IRAG2: variants seen among roughly 807,000 people sequenced by gnomAD.
IRAG2 encodes the protein inositol 1,4,5-triphosphate receptor associated 2, also known as lymphoid restricted membrane protein.
A neutral mutation model predicts 69.9 loss-of-function variants in IRAG2; 45 were observed. That is an observed-to-expected ratio of 0.64 (90% confidence interval 0.51 to 0.83). The LOEUF (loss-of-function observed/expected upper bound fraction) is 0.83. IRAG2 is among the 40% of genes least tolerant of loss of function. The pLI, the probability that IRAG2 is intolerant of heterozygous loss-of-function variation, is 0.00. For synonymous variants in IRAG2, 193 were observed against 202.4 expected, an observed-to-expected ratio of 0.95 and a Z score of 0.40; for missense variants, 520 against 587.0, an observed-to-expected ratio of 0.89 and a Z score of 1.18.
Position 25,012,143 on chromosome 12 carries a change from C to CTTTTTTTTTTTTTTTTTTTTTTTTTTTTT in IRAG2, c.896+592_896+593insTTTTTTTTTTTTTTTTTTTTTTTTTTTTT, listed in dbSNP as rs1944480147. Reference sequence around the variant, plus strand: ...GTCTTCTTCCACAGAAAGCGAATTCCCTTTTTTTTTTTTTTTTTTTTTTTT... The same window carrying CTTTTTTTTTTTTTTTTTTTTTTTTTTTTT: ...GTCTTCTTCCACAGAAAGCGAATTCCTTTTTTTTTTTTTTTTTTTTTTTTTTTTTCTTTTTTTTTTTTTTTTTTTTTTTT... On this transcript the variant is annotated intron_variant, in intron 3 of 38. Coordinates refer to the IRAG2 transcript ENST00000636465. 8.3e-5 allele frequency among the ~76,000 whole-genome samples: 2 copies of CTTTTTTTTTTTTTTTTTTTTTTTTTTTTT among 24,096 alleles called. 1 individual carries two copies. 15.8% of individuals were successfully genotyped at this position (24,096 alleles called of 152,430 possible). A position where few individuals can be genotyped will look rare whatever the true frequency, so the allele number is the denominator to read the frequency against.
chr12:25,086,025 T>C (rs977919163), intron 10 of IRAG2, among the ~76,000 whole-genome samples: 2 of 152,072 alleles, frequency 1.3e-5, no homozygotes, highest in Non-Finnish European at 2.9e-5. Flanking sequence ...AGAAGAAAAC[T>C]CAAGTCCTTT....
chr12:25,099,487 T>A (rs113620521), intron 15 of IRAG2, among the ~76,000 whole-genome samples: 35 of 152,302 alleles, frequency 2.3e-4, no homozygotes, highest in African/African-American at 7.9e-4. Context: ...ACTGTTACCA[T>A]CTTGATCTAA....
intron 20 of IRAG2, among the ~76,000 whole-genome samples, chr12:25,105,984 A>G (rs859149): frequency 1 from 152,043 of 152,310 alleles, 75,891 homozygotes; most frequent in Middle Eastern, 1. Flanking sequence ...CTTAGGTGGA[A>G]GAACACCTCT....
intron 8 of IRAG2, chr12:25,023,977 G>A: frequency 2.1e-6 from 2 of 971,962 alleles, no homozygotes; most frequent in Non-Finnish European, 1.3e-6. Context: ...ATATCATCGT[G>A]GTTTATGGCT....
In IRAG2 at chr12:25,026,441, G is replaced by C. The variant is rs117623390; in HGVS notation, c.1384-348G>C. On this transcript the variant is annotated intron_variant, in intron 8 of 38. Coordinates refer to the IRAG2 transcript ENST00000636465. ...GGGAAGAACTGAAGCTAAATAAAGA[G>C]GGGTCTGAGTTCATGGGAAGGTTGA... Among the ~76,000 whole-genome samples the C allele has an allele frequency of 7.4e-3, 1,131 of 152,266 alleles. 10 individuals are homozygous for C. The highest frequency in any genetic ancestry group is 0.013 in the Non-Finnish European group (883 of 68,020).
rs1209333279 is a variant in IRAG2 at position 25,011,323 on chromosome 12, T to TA, written c.689-20dup. 2.2e-5 allele frequency: 27 copies of TA among 1,226,826 alleles called. No homozygotes were observed. In the African/African-American group the frequency reaches 3.7e-4, roughly 17 times the overall value. 76.0% of individuals were successfully genotyped at this position (1,226,826 alleles called of 1,614,324 possible). On this transcript the variant is annotated intron_variant, in intron 2 of 38. Transcript: ENST00000636465. ...AGATAGGTGCTTCACTTGTGAAAAA[T>TA]ATAACTTTTCTGTCTTTCAGAACTG...
At position 25,079,437 on chromosome 12, in the gene IRAG2, G is replaced by T; in HGVS notation, c.111G>T (p.Ser37=). The change falls in exon 8 of 22, where the codon TCG becomes TCT. Residue 37 remains serine (S), a synonymous_variant. Transcript: ENST00000556887. ...SSLPLPRHTS[S]TDGTITSSDP... is the part of the protein sequence containing the mutation. Reference sequence around the variant, plus strand: ...TACCATTACCCAGACACACTTCATCGACAGACGGTACTATAACTTCAAGTG... The same window carrying T: ...TACCATTACCCAGACACACTTCATCTACAGACGGTACTATAACTTCAAGTG... 1 of 1,613,428 alleles carries T rather than the reference G, an allele frequency of 6.2e-7. No individual in the cohort carries two copies. The highest frequency in any genetic ancestry group is 8.5e-7 in the Non-Finnish European group (1 of 1,179,422).
chr12:25,006,695 G>A (rs190747243), intron 2 of IRAG2, among the ~76,000 whole-genome samples: 6 of 152,242 alleles, frequency 3.9e-5, no homozygotes, highest in Admixed American at 2.0e-4. Context: ...AAACAAAGAT[G>A]GGAACAATAG....
At chr12:25,010,543 T>A (rs924909420) in intron 2 of IRAG2, among the ~76,000 whole-genome samples, 1 of 152,214 alleles carries the variant, frequency 6.6e-6, no homozygotes, top group African/African-American at 2.4e-5. Context: ...TCTAATAGTG[T>A]CACATCTAAA....
At chr12:25,065,199 GA>G (rs1358889853) in intron 4 of IRAG2, among the ~76,000 whole-genome samples, 3 of 152,150 alleles carry the variant, frequency 2.0e-5, no homozygotes, top group Non-Finnish European at 2.9e-5. Context: ...CTGTGAGGTA[GA>G]TGTTAATATA....
upstream of IRAG2, among the ~76,000 whole-genome samples, chr12:25,049,715 G>A (rs140817264): frequency 0.015 from 2,320 of 152,106 alleles, 35 homozygotes; most frequent in Non-Finnish European, 0.022. Context: ...GGCCGGATGC[G>A]GTGGCTCACG....
At chr12:25,089,553 C>A in intron 11 of IRAG2, 61 bp from the exon 12 acceptor site, 3 of 966,412 alleles carry the variant, frequency 3.1e-6, no homozygotes, top group South Asian at 3.1e-5. Flanking sequence ...AACATTAGAT[C>A]AAATGTGCTT....
At chr12:25,053,627 C>G (rs998463065) in intron 1 of IRAG2, among the ~76,000 whole-genome samples, 1 of 152,094 alleles carries the variant, frequency 6.6e-6, no homozygotes. Context: ...TTGTTTCATT[C>G]TAGAAACCTA....
At chr12:25,018,193 CTTTTTTTTTTT>C (rs56659655) in intron 6 of IRAG2, among the ~76,000 whole-genome samples, 3 of 105,522 alleles carry the variant, frequency 2.8e-5, no homozygotes, top group Admixed American at 1.2e-4. Context: ...TTTCTTTCTT[CTTTTTTTTTTT>C]TTTTTTTTTG....
At chr12:25,081,412 T>C (rs969715651) in intron 9 of IRAG2, among the ~76,000 whole-genome samples, 6 of 152,184 alleles carry the variant, frequency 3.9e-5, no homozygotes, top group Admixed American at 2.6e-4. Context: ...TGCAGTGAGC[T>C]GAGATTGCAC....
intron 1 of IRAG2, among the ~76,000 whole-genome samples, chr12:25,053,446 A>G (rs1591946949): frequency 6.6e-6 from 1 of 152,190 alleles, no homozygotes; most frequent in Non-Finnish European, 1.5e-5. Context: ...ATGTGTGAAA[A>G]TTCTTTTAAA....
In IRAG2 at chr12:25,037,830, T is replaced by C. The variant is rs971877534; in HGVS notation, c.1981-144T>C. The C allele has an allele frequency of 1.0e-5, 4 of 394,658 alleles. No homozygotes were observed. The South Asian group carries it at 4.3e-4, about 42-fold the overall frequency. The allele number at this position is 394,658 out of a possible 1,614,324, so 24.4% of individuals were successfully genotyped here. A position where few individuals can be genotyped will look rare whatever the true frequency, so the allele number is the denominator to read the frequency against. ...GAAATTGGTATTAATTAACATACAA[T>C]TGAGAATTGGTACTCATTGACATAC... On this transcript the variant is annotated intron_variant, in intron 15 of 38. Coordinates refer to the IRAG2 transcript ENST00000636465.
intron 6 of IRAG2, among the ~76,000 whole-genome samples, chr12:25,073,702 T>C (rs138909795): frequency 3.9e-4 from 60 of 152,336 alleles, no homozygotes; most frequent in Middle Eastern, 6.8e-3. Context: ...AAGAACTTCT[T>C]TATTCACCCA....
intron 2 of IRAG2, among the ~76,000 whole-genome samples, chr12:25,008,735 T>C (rs912214380): frequency 7.9e-5 from 12 of 152,224 alleles, no homozygotes; most frequent in Admixed American, 5.2e-4. Context: ...CGAAACTCCA[T>C]CTCAAAATAA....
Sources: allele counts gnomAD v4.1 joint callset (sites outside exome capture counted in the v4.1 genomes callset), GRCh38; gene constraint gnomAD v4.1.1; transcripts MANE v1.5; gene names NCBI Gene and HGNC (gene_info 2026-07-23, HGNC 2026-07-21).